The following RUNX2 variants were observed in gnomAD, a reference collection of about 807,000 sequenced individuals.
RUNX2 encodes RUNX family transcription factor 2.
Under a neutral mutation model 51.7 loss-of-function variants are expected in RUNX2, and 10 were observed. The ratio of observed to expected loss-of-function variants is 0.19; its 90% CI spans 0.12 to 0.33. The LOEUF (loss-of-function observed/expected upper bound fraction) is 0.33. Among genes scored for constraint, RUNX2 ranks in the 10% least tolerant of loss-of-function variants. RUNX2 has a pLI of 1.00. For missense variants in RUNX2, 562 were observed against 691.3 expected (o/e 0.81, Z 2.10); for synonymous variants, 276 against 273.6 (o/e 1.01, Z -0.09).
intron 5 of RUNX2, among the ~76,000 whole-genome samples, chr6:45,455,593 C>T (rs748038341): frequency 5.9e-5 from 9 of 152,042 alleles, no homozygotes; most frequent in Middle Eastern, 3.4e-3. Context: ...AGTATAAACC[C>T]GAGATTAGCA....
intron 7 of RUNX2, among the ~76,000 whole-genome samples, chr6:45,521,010 C>T (rs921147732): frequency 6.6e-6 from 1 of 152,184 alleles, no homozygotes; most frequent in Non-Finnish European, 1.5e-5. Flanking sequence ...GGCCTCATGC[C>T]CAGCCCATAT....
intron 5 of RUNX2, among the ~76,000 whole-genome samples, chr6:45,460,239 T>A (rs961074520): frequency 2.6e-5 from 4 of 152,166 alleles, no homozygotes; most frequent in Non-Finnish European, 4.4e-5. Context: ...GGAGCCAATG[T>A]GGGACCCTGA....
intron 5 of RUNX2, among the ~76,000 whole-genome samples, chr6:45,465,716 C>T (rs538158075): frequency 6.6e-6 from 1 of 150,674 alleles, no homozygotes; most frequent in African/African-American, 2.4e-5. Flanking sequence ...AATTTTGGCT[C>T]ACTGAAGCCT....
At chr6:45,421,757 C>G (rs1182922621) in intron 2 of RUNX2, 2 of 151,824 alleles carry the variant, frequency 1.3e-5, no homozygotes, top group Admixed American at 6.6e-5. Context: ...GCGCGGGGGG[C>G]TCCTTCTCGC....
intron 4 of RUNX2, 46 bp downstream of exon 4, chr6:45,432,065 G>C (rs1447832606): frequency 7.6e-6 from 12 of 1,576,414 alleles, no homozygotes; most frequent in Admixed American, 3.5e-5. Context: ...AGCACATTAG[G>C]CTCCTTTGAT....
intron 5 of RUNX2, among the ~76,000 whole-genome samples, chr6:45,486,829 G>A (rs1800297336): frequency 6.6e-6 from 1 of 152,098 alleles, no homozygotes; most frequent in Non-Finnish European, 1.5e-5. Context: ...GGGCAAAATG[G>A]GTCACATCAC....
chr6:45,354,265 AAT>A (rs574020427), intron 2 of RUNX2, among the ~76,000 whole-genome samples: 14 of 152,212 alleles, frequency 9.2e-5, no homozygotes, highest in Admixed American at 2.0e-4. Flanking sequence ...GATTAAAAAT[AAT>A]ATGATAGATA....
At chr6:45,479,932 C>G (rs1329199224) in intron 5 of RUNX2, among the ~76,000 whole-genome samples, 1 of 152,168 alleles carries the variant, frequency 6.6e-6, no homozygotes, top group South Asian at 2.1e-4. Context: ...TAACTTGATC[C>G]TACTCAAAAT....
In RUNX2 at chr6:45,547,248, C is replaced by G; in HGVS notation, c.1509C>G (p.Ser503=). 2 of 1,614,150 alleles carry G rather than the reference C, an allele frequency of 1.2e-6. No homozygotes were observed. The highest frequency in any genetic ancestry group is 1.7e-6 in the Non-Finnish European group (2 of 1,180,024). ...GVDADGSHSS[S]PTVLNSSGRM... ...ACGCTGATGGAAGCCACAGCAGTTC[C>G]CCAACTGTTTTGAATTCTAGTGGCA... The change falls in exon 9 of 9, where the codon TCC becomes TCG. Residue 503 remains serine (S), a synonymous_variant. Coordinates refer to ENST00000647337, the MANE Select transcript of RUNX2 (RefSeq NM_001024630.4).
intron 6 of RUNX2, among the ~76,000 whole-genome samples, chr6:45,504,176 A>G (rs545817867): frequency 2.0e-5 from 3 of 152,296 alleles, no homozygotes; most frequent in Admixed American, 1.3e-4. Flanking sequence ...CTCAGCAGAC[A>G]TGAGCCAGAT....
intron 2 of RUNX2, among the ~76,000 whole-genome samples, chr6:45,345,517 C>A (rs1041808645): frequency 6.6e-6 from 1 of 152,106 alleles, no homozygotes; most frequent in Non-Finnish European, 1.5e-5. Context: ...CTTAATGGCA[C>A]GATCAGCTTG....
At chr6:45,510,875 C>T (rs1004705937) in intron 6 of RUNX2, among the ~76,000 whole-genome samples, 14 of 152,060 alleles carry the variant, frequency 9.2e-5, no homozygotes, top group African/African-American at 3.1e-4. Flanking sequence ...CCTCCTTCCT[C>T]ACCTTTTACA....
At position 45,410,998 on chromosome 6, in the gene RUNX2, A is replaced by G. The variant is rs374137394; in HGVS notation, c.59-11595A>G. Among the ~76,000 whole-genome samples the G allele has an allele frequency of 1.7e-4, 26 of 152,190 alleles. 1 individual carries two copies. In the East Asian group the frequency reaches 3.3e-3, roughly 19 times the overall value. The stretch of plus-strand genomic sequence containing the variant: ...CCCAATCTTTTAGGATGTGCAGAGA[A>G]GAAGTGTAGTTTACATGTGGTCCTG... On this transcript the variant is annotated intron_variant, in intron 2 of 8. Transcript: ENST00000647337.
intron 5 of RUNX2, among the ~76,000 whole-genome samples, chr6:45,451,557 G>C (rs890359242): frequency 6.6e-6 from 1 of 152,162 alleles, no homozygotes; most frequent in South Asian, 2.1e-4. Context: ...TGAAAGACTT[G>C]GGATCGTTTA....
chr6:45,511,069 G>A (rs550859914), intron 6 of RUNX2, among the ~76,000 whole-genome samples: 2 of 152,280 alleles, frequency 1.3e-5, no homozygotes, highest in South Asian at 4.1e-4. Context: ...TTAAAAATTA[G>A]CATAAAAACG....
intron 2 of RUNX2, among the ~76,000 whole-genome samples, chr6:45,354,983 G>GA (rs1563010991): frequency 6.6e-6 from 1 of 151,750 alleles, no homozygotes; most frequent in Non-Finnish European, 1.5e-5. Context: ...GCACTTTGAG[G>GA]TTTTTTTTGG....
chr6:45,420,700 T>C (rs988385493), intron 2 of RUNX2, among the ~76,000 whole-genome samples: 1 of 152,222 alleles, frequency 6.6e-6, no homozygotes, highest in African/African-American at 2.4e-5. Flanking sequence ...AGAAACGTAG[T>C]AGTACACAAC....
chr6:45,537,822 G>A (rs867104023), intron 7 of RUNX2, among the ~76,000 whole-genome samples: 4 of 152,188 alleles, frequency 2.6e-5, no homozygotes, highest in Admixed American at 2.0e-4. Flanking sequence ...ATTTTTCCAC[G>A]GGAGCGCCTC....
intron 5 of RUNX2, among the ~76,000 whole-genome samples, chr6:45,458,090 G>A (rs543752437): frequency 4.1e-5 from 6 of 146,864 alleles, no homozygotes; most frequent in South Asian, 2.1e-4. Flanking sequence ...GCAATGGCGC[G>A]ATCTCAGCTC....
Sources: allele counts gnomAD v4.1 joint callset (sites outside exome capture counted in the v4.1 genomes callset), GRCh38; gene constraint gnomAD v4.1.1; transcripts MANE v1.5; gene names NCBI Gene and HGNC (gene_info 2026-07-23, HGNC 2026-07-21).